The following ROBO1 variants were observed in gnomAD, a reference collection of about 807,000 sequenced individuals.
ROBO1 encodes roundabout homolog 1.
ROBO1 carries 149 observed loss-of-function variants against 195.9 expected under a neutral mutation model. The ratio of observed to expected loss-of-function variants is 0.76; its 90% confidence interval spans 0.67 to 0.87. The LOEUF (loss-of-function observed/expected upper bound fraction) is 0.87, where lower values mean the gene tolerates loss of function less well. ROBO1 is among the 40% of genes least tolerant of loss of function. The probability of loss-of-function intolerance (pLI) is 0.00; values close to 1 mark genes in which losing one functional copy is unlikely to be tolerated. For synonymous variants in ROBO1, 816 were observed against 733.2 expected (o/e 1.11, Z -1.82); for missense variants, 1,933 against 2,068.3 (o/e 0.93, Z 1.27).
intron 4 of ROBO1, among the ~76,000 whole-genome samples, chr3:78,870,365 C>G (rs1050526986): frequency 6.6e-6 from 1 of 152,212 alleles, no homozygotes; most frequent in Non-Finnish European, 1.5e-5. Context: ...CAGACTCTCA[C>G]TTACGACTTC....
At chr3:78,949,903 T>G (rs1444181529) in intron 3 of ROBO1, among the ~76,000 whole-genome samples, 2 of 152,186 alleles carry the variant, frequency 1.3e-5, no homozygotes, top group African/African-American at 2.4e-5. Context: ...CAAAATCACA[T>G]GAAAAAATGC....
At chr3:78,806,104 T>A (rs2084530542) in intron 4 of ROBO1, among the ~76,000 whole-genome samples, 1 of 152,034 alleles carries the variant, frequency 6.6e-6, no homozygotes, top group Non-Finnish European at 1.5e-5. Context: ...GGACTGCAGG[T>A]GTGCACTACC....
chr3:79,520,586 G>T (rs1941167312), intron 2 of ROBO1, among the ~76,000 whole-genome samples: 1 of 152,148 alleles, frequency 6.6e-6, no homozygotes, highest in African/African-American at 2.4e-5. Context: ...AGTAGTTTAT[G>T]AATAAGACAT....
intron 2 of ROBO1, among the ~76,000 whole-genome samples, chr3:79,335,248 G>A (rs1056955291): frequency 2.6e-5 from 4 of 152,094 alleles, no homozygotes; most frequent in African/African-American, 9.7e-5. Flanking sequence ...TTCATCTTCT[G>A]TATTTATATA....
At chr3:79,148,919 T>C (rs1299641636) in intron 2 of ROBO1, among the ~76,000 whole-genome samples, 1 of 151,822 alleles carries the variant, frequency 6.6e-6, no homozygotes, top group East Asian at 1.9e-4. Flanking sequence ...AACAGCAAAA[T>C]CTAAGATGTG....
chr3:79,377,825 G>C (rs148685215), intron 2 of ROBO1, among the ~76,000 whole-genome samples: 3 of 152,108 alleles, frequency 2.0e-5, no homozygotes, highest in African/African-American at 4.8e-5. Context: ...TGATACGGTC[G>C]TGCTAGCAGA....
chr3:79,112,820 G>A (rs1482826000), intron 3 of ROBO1, among the ~76,000 whole-genome samples: 1 of 151,796 alleles, frequency 6.6e-6, no homozygotes, highest in African/African-American at 2.4e-5. Context: ...GGTAAATGAT[G>A]GGTTAATGGG....
In ROBO1 at chr3:78,969,908, C is replaced by T. The variant is rs118102710; in HGVS notation, c.173-30981G>A. ...ATGTTGCTAAATACTCAGTGAGTTA[C>T]GACTGAAACATATTTCACACAAAAA... On this transcript the variant is annotated intron_variant, in intron 3 of 30. Transcript: ENST00000464233. 3.5e-4 allele frequency among the ~76,000 whole-genome samples: 54 copies of T among 152,130 alleles called. No individual in the cohort carries two copies. The East Asian group carries it at 6.6e-3, about 18-fold the overall frequency.
intron 3 of ROBO1, among the ~76,000 whole-genome samples, chr3:78,980,361 CATA>C (rs1483668095): frequency 6.6e-6 from 1 of 152,152 alleles, no homozygotes; most frequent in Non-Finnish European, 1.5e-5. Context: ...CTGTGTTTGG[CATA>C]ATGTCACCAT....
At chr3:78,784,501 A>G (rs867410271) in intron 4 of ROBO1, among the ~76,000 whole-genome samples, 1 of 152,186 alleles carries the variant, frequency 6.6e-6, no homozygotes, top group Non-Finnish European at 1.5e-5. Flanking sequence ...CTGTCTAGGT[A>G]TAGAATGCAT....
In ROBO1 at chr3:79,054,793, C is replaced by T. The variant is rs900203905; in HGVS notation, c.172+70663G>A. Among the ~76,000 whole-genome samples the T allele has an allele frequency of 3.1e-4, 47 of 152,134 alleles. 1 individual carries two copies. Among genetic ancestry groups the T allele is most frequent in the Non-Finnish European group, 8.8e-5 (6 of 68,012 alleles). On this transcript the variant is annotated intron_variant, in intron 3 of 30. Coordinates refer to ENST00000464233, the MANE Select transcript of ROBO1 (RefSeq NM_002941.4). ...TGATATAGATGGAATCCCCCTGCCA[C>T]AGAACCAGGGAAATGGGAAGTGGGG...
chr3:79,008,872 A>G (rs946283093), intron 3 of ROBO1, among the ~76,000 whole-genome samples: 4 of 144,320 alleles, frequency 2.8e-5, no homozygotes, highest in African/African-American at 1.0e-4. Flanking sequence ...TACAGGCATG[A>G]GCCACTGCAC....
At chr3:78,750,520 C>T (rs1400406220) in intron 4 of ROBO1, among the ~76,000 whole-genome samples, 1 of 150,710 alleles carries the variant, frequency 6.6e-6, no homozygotes, top group East Asian at 1.9e-4. Flanking sequence ...AAAAAGTTCA[C>T]TAATTGTACA....
At chr3:79,085,888 T>A (rs899625532) in intron 3 of ROBO1, among the ~76,000 whole-genome samples, 6 of 152,162 alleles carry the variant, frequency 3.9e-5, no homozygotes, top group African/African-American at 1.4e-4. Context: ...CTTAAGGGAA[T>A]TAAGTATATA....
At chr3:79,054,418 A>T (rs1489878107) in intron 3 of ROBO1, among the ~76,000 whole-genome samples, 3 of 152,130 alleles carry the variant, frequency 2.0e-5, no homozygotes, top group African/African-American at 7.2e-5. Context: ...TTAGCTTTTG[A>T]AAATGTGAAC....
At chr3:78,642,039 T>C (rs757334014) in intron 21 of ROBO1, among the ~76,000 whole-genome samples, 22 of 152,092 alleles carry the variant, frequency 1.4e-4, no homozygotes, top group Non-Finnish European at 3.1e-4. Flanking sequence ...ATGTACCTAC[T>C]CTAATAAGGG....
At chr3:78,891,987 A>G (rs1277504923) in intron 4 of ROBO1, among the ~76,000 whole-genome samples, 1 of 152,194 alleles carries the variant, frequency 6.6e-6, no homozygotes, top group Admixed American at 6.5e-5. Flanking sequence ...GACATGTTCT[A>G]TTTCTTGACT....
chr3:78,667,063 T>C (rs972685879), intron 14 of ROBO1, among the ~76,000 whole-genome samples: 1 of 152,146 alleles, frequency 6.6e-6, no homozygotes, highest in African/African-American at 2.4e-5. Flanking sequence ...TATCCAGATA[T>C]CTCTCATATT....
chr3:78,870,721 G>A (rs1039204036), intron 4 of ROBO1, among the ~76,000 whole-genome samples: 2 of 152,164 alleles, frequency 1.3e-5, no homozygotes, highest in Non-Finnish European at 2.9e-5. Flanking sequence ...GAGCCAATCA[G>A]GACTTATCCT....
Sources: gnomAD v4.1 joint callset for allele counts (sites outside exome capture counted in the v4.1 genomes callset) on GRCh38, gnomAD v4.1.1 for gene constraint, MANE v1.5 for transcripts, NCBI Gene and HGNC (gene_info 2026-07-23, HGNC 2026-07-21) for gene names.